The following ANKS1B variants were observed in gnomAD, a reference collection of about 807,000 sequenced individuals.
ANKS1B encodes ankyrin repeat and sterile alpha motif domain containing 1B, also known as ankyrin repeat and sterile alpha motif domain-containing protein 1B.
Under a neutral mutation model 148.3 loss-of-function variants are expected in ANKS1B, and 36 were observed. That is an observed-to-expected ratio of 0.24 (90% confidence interval 0.19 to 0.32). The LOEUF is 0.32. ANKS1B is among the 10% of genes least tolerant of loss of function. ANKS1B has a pLI of 1.00. For synonymous variants in ANKS1B, 542 were observed against 560.8 expected, an observed-to-expected ratio of 0.97 and a Z score of 0.47; for missense variants, 1,157 against 1,542.6, an observed-to-expected ratio of 0.75 and a Z score of 4.19.
intron 24 of ANKS1B, among the ~76,000 whole-genome samples, chr12:98,780,271 C>A (rs137876605): frequency 5.9e-5 from 9 of 152,318 alleles, no homozygotes; most frequent in Non-Finnish European, 1.3e-4. Flanking sequence ...CTCTTTTACC[C>A]TCCTTCTGTA....
chr12:98,941,839 A>G (rs2099837272), intron 17 of ANKS1B, among the ~76,000 whole-genome samples: 1 of 152,216 alleles, frequency 6.6e-6, no homozygotes, highest in African/African-American at 2.4e-5. Context: ...ATATATATAG[A>G]GAAAGGGTAG....
chr12:99,569,411 T>G (rs2097429139), intron 9 of ANKS1B, among the ~76,000 whole-genome samples: 1 of 152,190 alleles, frequency 6.6e-6, no homozygotes, highest in Non-Finnish European at 1.5e-5. Flanking sequence ...ATTCCTCATC[T>G]TAAAAATAAT....
rs192505322 is a variant in ANKS1B, at chr12:99,902,372, G to A, written c.135-76983C>T. On this transcript the variant is annotated intron_variant, in intron 1 of 26. Coordinates refer to ENST00000683438, the MANE Select transcript of ANKS1B (RefSeq NM_001352186.2). ...GTGAGAAGGGGGTAAAATAACACAA[G>A]ACGACATCAGAAAGCTAAACAGAAG... Among the ~76,000 whole-genome samples, 871 of 152,280 alleles carry A rather than the reference G, an allele frequency of 5.7e-3. 2 individuals carry two copies. The highest frequency in any genetic ancestry group is 0.01 in the Non-Finnish European group (705 of 68,028).
chr12:99,313,741 T>A, intron 12 of ANKS1B, among the ~76,000 whole-genome samples: 1 of 152,156 alleles, frequency 6.6e-6, no homozygotes, highest in East Asian at 1.9e-4. Flanking sequence ...AAACTCTCAA[T>A]AAACTAGGTA....
At chr12:99,454,782 C>T (rs1261091792) in intron 10 of ANKS1B, among the ~76,000 whole-genome samples, 1 of 152,144 alleles carries the variant, frequency 6.6e-6, no homozygotes, top group Non-Finnish European at 1.5e-5. Context: ...CTTCCTCCTC[C>T]CAGGATGATG....
At chr12:99,763,559 T>C (rs1447449095) in intron 8 of ANKS1B, among the ~76,000 whole-genome samples, 1 of 151,972 alleles carries the variant, frequency 6.6e-6, no homozygotes, top group Non-Finnish European at 1.5e-5. Context: ...GGTACTATGC[T>C]CATTACCTGG....
At chr12:99,617,187 A>T (rs2153363765) in intron 9 of ANKS1B, among the ~76,000 whole-genome samples, 1 of 152,248 alleles carries the variant, frequency 6.6e-6, no homozygotes, top group Admixed American at 6.5e-5. Flanking sequence ...CTTTTACACC[A>T]TTGGTGGGAG....
At chr12:99,055,478 G>C (rs2099968996) in intron 16 of ANKS1B, among the ~76,000 whole-genome samples, 1 of 152,160 alleles carries the variant, frequency 6.6e-6, no homozygotes, top group Non-Finnish European at 1.5e-5. Flanking sequence ...GGTTACCACA[G>C]GTTACCCCCA....
At chr12:99,122,090 C>T (rs2063049618) in intron 15 of ANKS1B, among the ~76,000 whole-genome samples, 1 of 152,146 alleles carries the variant, frequency 6.6e-6, no homozygotes, top group Non-Finnish European at 1.5e-5. Context: ...CCATTTCTAT[C>T]ACTTGGTGAT....
At position 99,453,102 on chromosome 12, in the gene ANKS1B, AAC is replaced by A. The variant is rs2095781935; in HGVS notation, c.1439-9295_1439-9294del. On this transcript the variant is annotated intron_variant, in intron 10 of 26. Transcript: ENST00000683438. Reference sequence around the variant, plus strand: ...TCAGGAGATCGAGACCATCCTGGCTAACATGGTGAAACCCCGTCTCTACTAAA... The same window carrying A: ...TCAGGAGATCGAGACCATCCTGGCTAATGGTGAAACCCCGTCTCTACTAAA... Among the ~76,000 whole-genome samples, 3 of 152,262 alleles carry A rather than the reference AAC, an allele frequency of 2.0e-5. No homozygotes were observed. In the East Asian group the frequency reaches 5.8e-4, roughly 29 times the overall value.
chr12:99,285,049 A>G (rs1189219387), intron 12 of ANKS1B, among the ~76,000 whole-genome samples: 2 of 152,212 alleles, frequency 1.3e-5, no homozygotes, highest in Non-Finnish European at 2.9e-5. Context: ...TATAACCACA[A>G]TCAACAAAAT....
intron 12 of ANKS1B, among the ~76,000 whole-genome samples, chr12:99,327,156 A>G (rs2086503083): frequency 1.7e-5 from 2 of 120,308 alleles, no homozygotes; most frequent in Non-Finnish European, 1.6e-5. Flanking sequence ...AATATATAAT[A>G]TATAATATAT....
intron 9 of ANKS1B, among the ~76,000 whole-genome samples, chr12:99,577,447 T>C (rs961825359): frequency 2.0e-5 from 3 of 151,098 alleles, no homozygotes; most frequent in Admixed American, 6.6e-5. Flanking sequence ...ACCAAAACTT[T>C]GTTGAAAAAA....
chr12:99,136,482 A>C (rs10777961), intron 15 of ANKS1B, among the ~76,000 whole-genome samples: 34,772 of 151,924 alleles, frequency 0.23, 4,717 homozygotes, highest in African/African-American at 0.37. Flanking sequence ...CACACACACA[A>C]AAAAATTATA....
Position 99,741,279 on chromosome 12 carries a change from G to A in ANKS1B, c.1128+31643C>T, listed in dbSNP as rs145092644. ...CAACAGATGCTGGAGAGGATATGGA[G>A]AAATAGGAAAGCTTTACACTGTTGA... On this transcript the variant is annotated intron_variant, in intron 8 of 26. Transcript: ENST00000683438. Among the ~76,000 whole-genome samples the A allele has an allele frequency of 1.3e-3, 198 of 151,606 alleles. 4 individuals are homozygous for A. In the East Asian group the frequency reaches 0.033, roughly 25 times the overall value.
At chr12:99,017,071 A>G (rs188662087) in intron 17 of ANKS1B, among the ~76,000 whole-genome samples, 9 of 152,342 alleles carry the variant, frequency 5.9e-5, no homozygotes, top group Non-Finnish European at 1.3e-4. Flanking sequence ...AAATAAAAAA[A>G]AAATTCTAGG....
Position 99,284,365 on chromosome 12 carries a change from A to G in ANKS1B, c.1757-37501T>C, listed in dbSNP as rs190198573. 8.3e-4 allele frequency among the ~76,000 whole-genome samples: 127 copies of G among 152,300 alleles called. 4 individuals are homozygous for G. In the South Asian group the frequency reaches 0.021, roughly 25 times the overall value. On this transcript the variant is annotated intron_variant, in intron 12 of 26. Transcript: ENST00000683438. ...ACTTGGGTGCTCAAAGTAGAGAAAC[A>G]AGAAAAACAGGCTACTGGTAAGATG...
At chr12:99,483,723 C>G (rs1293169897) in intron 10 of ANKS1B, among the ~76,000 whole-genome samples, 1 of 151,902 alleles carries the variant, frequency 6.6e-6, no homozygotes, top group Non-Finnish European at 1.5e-5. Flanking sequence ...TTGATTTAAT[C>G]TATGAGTGGT....
At chr12:98,923,047 T>C (rs1048747285) in intron 17 of ANKS1B, among the ~76,000 whole-genome samples, 1 of 151,982 alleles carries the variant, frequency 6.6e-6, no homozygotes, top group Non-Finnish European at 1.5e-5. Flanking sequence ...TGTGGGGAGA[T>C]AGGGCCTAGT....
Sources: gnomAD v4.1 joint callset for allele counts (sites outside exome capture counted in the v4.1 genomes callset) on GRCh38, gnomAD v4.1.1 for gene constraint, MANE v1.5 for transcripts, NCBI Gene and HGNC (gene_info 2026-07-23, HGNC 2026-07-21) for gene names.